Variants in PIGN observed in about 807,000 individuals in gnomAD.
The protein encoded by PIGN is GPI ethanolamine phosphate transferase 1.
Under a neutral mutation model 125.4 loss-of-function variants are expected in PIGN, and 117 were observed. That is an observed-to-expected ratio of 0.93 (90% confidence interval 0.80 to 1.09). The LOEUF is 1.09. Ranked by LOEUF, PIGN falls within the 50% of genes least tolerant of loss-of-function variation. The pLI is 0.00. For missense variants in PIGN, 1,075 were observed against 1,094.9 expected (o/e 0.98, Z 0.26); for synonymous variants, 392 against 377.8 (o/e 1.04, Z -0.44).
chr18:62,164,594 C>G (rs1330374148), intron 1 of PIGN, among the ~76,000 whole-genome samples: 1 of 152,154 alleles, frequency 6.6e-6, no homozygotes, highest in Non-Finnish European at 1.5e-5. Flanking sequence ...GGGAAATCCA[C>G]CCCATGATTC....
chr18:62,181,931 G>A (rs947918845), intron 1 of PIGN, among the ~76,000 whole-genome samples: 2 of 152,028 alleles, frequency 1.3e-5, no homozygotes, highest in Non-Finnish European at 2.9e-5. Context: ...TCACCATGTT[G>A]GCCAGGCTGG....
chr18:62,175,490 C>T (rs2037493078), intron 1 of PIGN, among the ~76,000 whole-genome samples: 1 of 152,112 alleles, frequency 6.6e-6, no homozygotes, highest in South Asian at 2.1e-4. Context: ...TACATCTTTT[C>T]CCTTCTTAAA....
intron 5 of PIGN, 56 bp from the exon 6 acceptor site, chr18:62,157,283 A>AT: frequency 1.2e-6 from 1 of 847,770 alleles, no homozygotes; most frequent in Non-Finnish European, 1.9e-6. Flanking sequence ...ATAAGCCCCT[A>AT]AAGAACTATT....
At chr18:62,164,093 A>C (rs1174988573) in intron 1 of PIGN, among the ~76,000 whole-genome samples, 2 of 152,174 alleles carry the variant, frequency 1.3e-5, no homozygotes, top group Non-Finnish European at 2.9e-5. Flanking sequence ...TAGACATTTG[A>C]GTTGCCTGCA....
chr18:62,051,038 C>T (rs1021046692), intron 30 of PIGN, among the ~76,000 whole-genome samples: 4 of 149,480 alleles, frequency 2.7e-5, no homozygotes, highest in Admixed American at 2.0e-4. Flanking sequence ...GCCTTGCATC[C>T]CAGGGATGAA....
chr18:62,148,423 A>G (rs976833533), intron 7 of PIGN, 85 bp from the exon 8 acceptor site: 11 of 933,734 alleles, frequency 1.2e-5, no homozygotes, highest in African/African-American at 5.2e-5. Context: ...AAATTTATGC[A>G]TAAGTACAAA....
chr18:62,152,870 T>A (rs56279155), intron 7 of PIGN, among the ~76,000 whole-genome samples: 1,912 of 15,910 alleles, frequency 0.12, 15 homozygotes, highest in African/African-American at 0.19. Flanking sequence ...ATATATATAT[T>A]TTTTTTTTTA....
chr18:62,087,555 G>C (rs1386909197), intron 25 of PIGN, among the ~76,000 whole-genome samples: 5 of 152,162 alleles, frequency 3.3e-5, no homozygotes, highest in Admixed American at 2.0e-4. Flanking sequence ...TATAATTTAG[G>C]GAAATGCAAG....
intron 22 of PIGN, among the ~76,000 whole-genome samples, chr18:62,100,139 C>T (rs957566339): frequency 2.6e-5 from 4 of 151,948 alleles, no homozygotes; most frequent in African/African-American, 9.7e-5. Context: ...ATTAATCCAA[C>T]TAAAAAATGG....
chr18:62,143,961 T>C (rs1180272523), intron 10 of PIGN, among the ~76,000 whole-genome samples: 2 of 152,208 alleles, frequency 1.3e-5, no homozygotes, highest in Non-Finnish European at 2.9e-5. Context: ...CTTGATTTAA[T>C]GGCTTTAGGA....
intron 23 of PIGN, among the ~76,000 whole-genome samples, chr18:62,091,116 G>A (rs1170752619): frequency 2.6e-5 from 4 of 152,124 alleles, no homozygotes; most frequent in Non-Finnish European, 5.9e-5. Flanking sequence ...TTGGCAGGCC[G>A]GAGCAGGCAG....
intron 28 of PIGN, among the ~76,000 whole-genome samples, chr18:62,079,622 C>T (rs538574626): frequency 1.3e-5 from 2 of 149,254 alleles, no homozygotes; most frequent in South Asian, 4.3e-4. Flanking sequence ...CTGTAACTAA[C>T]AAAATAATGA....
chr18:62,077,920 T>C (rs2033255537), intron 28 of PIGN, among the ~76,000 whole-genome samples: 2 of 152,216 alleles, frequency 1.3e-5, no homozygotes, highest in Non-Finnish European at 1.5e-5. Context: ...AGCTTGTAAA[T>C]GGCCATATTC....
At chr18:62,169,397 T>G (rs184298517) in intron 1 of PIGN, among the ~76,000 whole-genome samples, 18 of 152,352 alleles carry the variant, frequency 1.2e-4, no homozygotes, top group African/African-American at 3.4e-4. Flanking sequence ...CTATTTCAAA[T>G]AAAGCTGCTA....
At chr18:62,077,834 T>A (rs565180790) in intron 28 of PIGN, among the ~76,000 whole-genome samples, 8 of 152,322 alleles carry the variant, frequency 5.3e-5, no homozygotes, top group African/African-American at 1.9e-4. Flanking sequence ...CAATATAAAT[T>A]TCCTCATAGT....
rs1430380335 is a variant in PIGN, at chr18:62,041,516, T to C, written c.*4340A>G. 6.6e-6 allele frequency: 1 copy of C among 152,102 alleles called. No individual in the cohort carries two copies. Among genetic ancestry groups the C allele is most frequent in the African/African-American group, 2.4e-5 (1 of 41,400 alleles). 9.4% of individuals were successfully genotyped at this position (152,102 alleles called of 1,614,324 possible). A position where few individuals can be genotyped will look rare whatever the true frequency, so the allele number is the denominator to read the frequency against. On this transcript the variant is annotated 3_prime_UTR_variant, in exon 31 of 31. Coordinates refer to ENST00000640252, the MANE Select transcript of PIGN (RefSeq NM_176787.5). The stretch of plus-strand genomic sequence containing the variant: ...GGAGACATTTCTTTTTGAGGCAGAG[T>C]CTCACTTTGTCGCCCAGAGTGGCAC...
chr18:62,175,185 C>T (rs2037483983), intron 1 of PIGN, among the ~76,000 whole-genome samples: 1 of 151,026 alleles, frequency 6.6e-6, no homozygotes. Flanking sequence ...TCCACATTCA[C>T]TGCCATCACC....
chr18:62,071,863 C>CATATATATATATATATATGTAT (rs2032872237), intron 30 of PIGN, among the ~76,000 whole-genome samples: 13 of 77,602 alleles, frequency 1.7e-4, no homozygotes, highest in African/African-American at 5.9e-4. Flanking sequence ...ACTCCTTTTC[C>CATATATATATATATATATGTAT]ATATATATAT....
At chr18:62,072,181 G>A (rs1259699605) in intron 30 of PIGN, 1 of 151,350 alleles carries the variant, frequency 6.6e-6, no homozygotes, top group African/African-American at 2.4e-5. Context: ...AGAGCTTAGA[G>A]AATAGGGATA....
Sources: allele counts gnomAD v4.1 joint callset (sites outside exome capture counted in the v4.1 genomes callset), GRCh38; gene constraint gnomAD v4.1.1; transcripts MANE v1.5; gene names NCBI Gene and HGNC (gene_info 2026-07-23, HGNC 2026-07-21).